DSCAM: variants seen among roughly 807,000 people sequenced by gnomAD.
DSCAM encodes DS cell adhesion molecule, also known as cell adhesion molecule DSCAM.
A neutral mutation model predicts 217.7 loss-of-function variants in DSCAM; 47 were observed. That is an observed-to-expected ratio of 0.22 (90% confidence interval 0.17 to 0.28). The LOEUF (loss-of-function observed/expected upper bound fraction) is 0.28, where lower values mean the gene tolerates loss of function less well. Ranked by LOEUF, DSCAM falls within the 10% of genes least tolerant of loss-of-function variation. DSCAM has a pLI of 1.00. For synonymous variants in DSCAM, 1,056 were observed against 1,015.3 expected, an observed-to-expected ratio of 1.04 and a Z score of -0.76; for missense variants, 2,080 against 2,618.3, an observed-to-expected ratio of 0.79 and a Z score of 4.49.
intron 14 of DSCAM, among the ~76,000 whole-genome samples, chr21:40,186,000 T>C (rs1264172548): frequency 5.9e-5 from 9 of 152,270 alleles, no homozygotes; most frequent in Admixed American, 5.9e-4. Context: ...CAGAGGCCGA[T>C]GACCTGAGCC....
intron 8 of DSCAM, among the ~76,000 whole-genome samples, chr21:40,317,391 C>G (rs2074209335): frequency 6.6e-6 from 1 of 152,208 alleles, no homozygotes; most frequent in Non-Finnish European, 1.5e-5. Context: ...ATTGATGACT[C>G]AAGTGAGTAC....
intron 3 of DSCAM, among the ~76,000 whole-genome samples, chr21:40,484,227 T>C (rs940277676): frequency 2.0e-5 from 3 of 152,200 alleles, no homozygotes; most frequent in African/African-American, 7.2e-5. Context: ...TCCGGCAGAA[T>C]TGTGAAAGGT....
chr21:40,399,409 T>A (rs2075213440), intron 3 of DSCAM, among the ~76,000 whole-genome samples: 1 of 152,256 alleles, frequency 6.6e-6, no homozygotes, highest in African/African-American at 2.4e-5. Flanking sequence ...GAGTCACTTC[T>A]AGTTCCTAAA....
At chr21:40,785,193 C>T (rs2091582077) in intron 1 of DSCAM, among the ~76,000 whole-genome samples, 3 of 152,312 alleles carry the variant, frequency 2.0e-5, no homozygotes, top group Admixed American at 2.0e-4. Flanking sequence ...TATGAACCTG[C>T]ACCACACTGA....
At chr21:40,713,247 C>T (rs543609053) in intron 1 of DSCAM, among the ~76,000 whole-genome samples, 2 of 152,292 alleles carry the variant, frequency 1.3e-5, no homozygotes, top group Admixed American at 6.5e-5. Flanking sequence ...TAACTTTTCA[C>T]TGGTGTCATA....
intron 2 of DSCAM, among the ~76,000 whole-genome samples, chr21:40,693,414 G>GA (rs994521658): frequency 6.0e-5 from 9 of 150,304 alleles, no homozygotes; most frequent in South Asian, 2.1e-4. Flanking sequence ...CCTGGGTGAA[G>GA]AAAAAAAAAT....
At chr21:40,792,129 T>TTCA (rs1555889317) in intron 1 of DSCAM, among the ~76,000 whole-genome samples, 2 of 82,040 alleles carry the variant, frequency 2.4e-5, no homozygotes, top group Admixed American at 1.3e-4. Context: ...TAATCTCTTC[T>TTCA]TCTTCTTCTT....
intron 6 of DSCAM, among the ~76,000 whole-genome samples, chr21:40,347,037 A>G (rs1273874325): frequency 6.6e-6 from 1 of 152,128 alleles, no homozygotes; most frequent in Non-Finnish European, 1.5e-5. Context: ...GTTTCCCAAG[A>G]TGCCTGTAAT....
At chr21:40,839,201 T>C (rs1487403568) in intron 1 of DSCAM, among the ~76,000 whole-genome samples, 4 of 152,210 alleles carry the variant, frequency 2.6e-5, no homozygotes, top group African/African-American at 9.6e-5. Flanking sequence ...TGGGGTGATA[T>C]TGTCTGCCCG....
intron 16 of DSCAM, among the ~76,000 whole-genome samples, chr21:40,159,400 A>T (rs1026914817): frequency 6.6e-6 from 1 of 152,006 alleles, no homozygotes; most frequent in Admixed American, 6.6e-5. Context: ...CCACCTATGC[A>T]CTCCCTGTAC....
intron 5 of DSCAM, among the ~76,000 whole-genome samples, chr21:40,350,072 C>G (rs1601576068): frequency 6.6e-6 from 1 of 152,004 alleles, no homozygotes; most frequent in Admixed American, 6.6e-5. Context: ...ATTTATTTCA[C>G]TTTAAGTTCT....
intron 3 of DSCAM, among the ~76,000 whole-genome samples, chr21:40,609,508 A>G (rs2089285663): frequency 6.6e-6 from 1 of 152,138 alleles, no homozygotes; most frequent in African/African-American, 2.4e-5. Flanking sequence ...GGCTAGGGTT[A>G]TTTATGATTT....
Position 40,517,404 on chromosome 21 carries a change from A to AACACACACACACAC in DSCAM, c.509-148173_509-148160dup, listed in dbSNP as rs3070750. Among the ~76,000 whole-genome samples, 991 of 144,756 alleles carry AACACACACACACAC rather than the reference A, an allele frequency of 6.8e-3. 10 individuals are homozygous for AACACACACACACAC. Among genetic ancestry groups the AACACACACACACAC allele is most frequent in the African/African-American group, 0.02 (771 of 38,694 alleles). The allele number at this position is 144,756 out of a possible 152,430, so 95.0% of individuals were successfully genotyped here. ...CACACATCTATACACACACACAAGC[A>AACACACACACACAC]ACACACACACACACACACACACACA... On this transcript the variant is annotated intron_variant, in intron 3 of 32. Transcript: ENST00000400454.
At chr21:40,406,908 C>T (rs62223836) in intron 3 of DSCAM, among the ~76,000 whole-genome samples, 9,090 of 152,036 alleles carry the variant, frequency 0.06, 380 homozygotes, top group African/African-American at 0.12. Flanking sequence ...TGTGAGCCAC[C>T]GCACCCAGCC....
chr21:40,496,285 G>C (rs148544749), intron 3 of DSCAM, among the ~76,000 whole-genome samples: 1 of 152,220 alleles, frequency 6.6e-6, no homozygotes, highest in Non-Finnish European at 1.5e-5. Context: ...CAAAGCTACA[G>C]TAACCAAAAC....
intron 28 of DSCAM, among the ~76,000 whole-genome samples, chr21:40,057,970 G>A (rs1283029415): frequency 7.0e-6 from 1 of 142,508 alleles, no homozygotes; most frequent in Non-Finnish European, 1.5e-5. Context: ...CCGCCTCCCA[G>A]GTTCACACCA....
intron 3 of DSCAM, among the ~76,000 whole-genome samples, chr21:40,500,633 A>G (rs2076163513): frequency 6.6e-6 from 1 of 152,218 alleles, no homozygotes; most frequent in Non-Finnish European, 1.5e-5. Flanking sequence ...AAGCTCAATC[A>G]TTAATAAAGG....
At chr21:40,205,908 A>G (rs2091120266) in intron 11 of DSCAM, among the ~76,000 whole-genome samples, 1 of 152,178 alleles carries the variant, frequency 6.6e-6, no homozygotes, top group East Asian at 1.9e-4. Flanking sequence ...TCTCCATCCC[A>G]TTTAGGGAGG....
At chr21:40,753,003 T>C (rs1255527832) in intron 1 of DSCAM, among the ~76,000 whole-genome samples, 1 of 149,748 alleles carries the variant, frequency 6.7e-6, no homozygotes, top group Non-Finnish European at 1.5e-5. Context: ...GGCCTGCACC[T>C]GAATCTACAC....
Sources: gnomAD v4.1 joint callset for allele counts (sites outside exome capture counted in the v4.1 genomes callset) on GRCh38, gnomAD v4.1.1 for gene constraint, MANE v1.5 for transcripts, NCBI Gene and HGNC (gene_info 2026-07-23, HGNC 2026-07-21) for gene names.